Variants in ULK4 observed in about 807,000 individuals in gnomAD.
ULK4 encodes the protein inactive serine/threonine-protein kinase ULK4.
A neutral mutation model predicts 160.6 loss-of-function variants in ULK4; 133 were observed. The observed-to-expected ratio is 0.83, with a 90% CI of 0.72 to 0.96. The LOEUF is 0.96. ULK4 is among the 40% of genes least tolerant of loss of function. The pLI, the probability that ULK4 is intolerant of heterozygous loss-of-function variation, is 0.00. For synonymous variants in ULK4, 534 were observed against 539.8 expected, an observed-to-expected ratio of 0.99 and a Z score of 0.15; for missense variants, 1,580 against 1,499.5, an observed-to-expected ratio of 1.05 and a Z score of -0.89.
Position 41,691,042 on chromosome 3 carries a change from C to A in ULK4, c.2782-9238G>T, listed in dbSNP as rs180752996. On this transcript the variant is annotated intron_variant, in intron 27 of 36. Transcript: ENST00000301831. ...AAGGCAGTCTCCCTAGATAGAAACA[C>A]CTGAAACTGGTGATCAGAAGCTTCC... is the stretch of plus-strand genomic sequence containing the variant. Among the ~76,000 whole-genome samples the A allele has an allele frequency of 1.8e-4, 28 of 151,848 alleles. No homozygotes were observed. The East Asian group carries it at 4.6e-3, about 25-fold the overall frequency.
intron 30 of ULK4, among the ~76,000 whole-genome samples, chr3:41,633,544 T>C (rs1050462013): frequency 1.3e-5 from 2 of 152,140 alleles, no homozygotes; most frequent in Middle Eastern, 3.2e-3. Context: ...CTGGGTGCCA[T>C]TAAGGGTAAG....
intron 18 of ULK4, among the ~76,000 whole-genome samples, chr3:41,831,531 A>ATATATATATATATTTTTTTTT: frequency 1.1e-4 from 15 of 138,116 alleles, no homozygotes; most frequent in East Asian, 6.3e-4. Context: ...ATATATATAT[A>ATATATATATATATTTTTTTTT]TTTTTTTTTC....
rs547675140 is a variant in ULK4, at chr3:41,619,219, G to A, written c.3072-3502C>T. Among the ~76,000 whole-genome samples the A allele has an allele frequency of 2.0e-5, 3 of 151,788 alleles. No individual in the cohort carries two copies. The East Asian group carries it at 5.8e-4, about 29-fold the overall frequency. The stretch of plus-strand genomic sequence containing the variant: ...CCCACTGTCAATATTAGACCAACGA[G>A]ACAAAAAATTAACAAGGATATTCAG... On this transcript the variant is annotated intron_variant, in intron 30 of 36. Coordinates refer to ENST00000301831, the MANE Select transcript of ULK4 (RefSeq NM_017886.4).
chr3:41,552,888 T>C (rs772320231), intron 32 of ULK4, among the ~76,000 whole-genome samples: 23 of 152,008 alleles, frequency 1.5e-4, no homozygotes, highest in Non-Finnish European at 2.9e-4. Flanking sequence ...CAACATGGTA[T>C]TGGTATAAAA....
At chr3:41,919,020 T>C (rs1460044848) in intron 6 of ULK4, among the ~76,000 whole-genome samples, 1 of 152,178 alleles carries the variant, frequency 6.6e-6, no homozygotes, top group Non-Finnish European at 1.5e-5. Context: ...GCCTATATAT[T>C]TCTCTTACTT....
At chr3:41,421,178 G>T (rs1031640061) in intron 34 of ULK4, among the ~76,000 whole-genome samples, 2 of 151,730 alleles carry the variant, frequency 1.3e-5, no homozygotes, top group Non-Finnish European at 2.9e-5. Context: ...TATAATACCT[G>T]CCTACTAAAA....
intron 34 of ULK4, among the ~76,000 whole-genome samples, chr3:41,425,169 AAAT>A (rs2125840749): frequency 6.6e-6 from 1 of 152,296 alleles, no homozygotes; most frequent in East Asian, 1.9e-4. Context: ...ATCAATAACC[AAAT>A]AGACCAAGCA....
intron 35 of ULK4, among the ~76,000 whole-genome samples, chr3:41,281,192 G>C (rs1002009082): frequency 6.6e-6 from 1 of 152,294 alleles, no homozygotes; most frequent in South Asian, 2.1e-4. Flanking sequence ...TCCAGGACCA[G>C]ACGGATTCAT....
intron 4 of ULK4, among the ~76,000 whole-genome samples, chr3:41,933,725 G>T (rs1283720738): frequency 6.6e-6 from 1 of 151,072 alleles, no homozygotes. Flanking sequence ...TCTGAAAACT[G>T]CCACACACAA....
chr3:41,803,289 A>C (rs750335912), intron 19 of ULK4, among the ~76,000 whole-genome samples: 5 of 152,156 alleles, frequency 3.3e-5, no homozygotes, highest in Non-Finnish European at 5.9e-5. Context: ...AACAAAGGTA[A>C]AAGACACATT....
chr3:41,820,018 G>A (rs2041091264), intron 18 of ULK4, among the ~76,000 whole-genome samples: 2 of 152,110 alleles, frequency 1.3e-5, no homozygotes, highest in African/African-American at 2.4e-5. Flanking sequence ...TTAATGACAT[G>A]AGCAATAATT....
chr3:41,326,451 CATATAT>C (rs10660377), intron 35 of ULK4, among the ~76,000 whole-genome samples: 11 of 146,684 alleles, frequency 7.5e-5, no homozygotes, highest in Admixed American at 1.4e-4. Flanking sequence ...TGCATATATA[CATATAT>C]ATATATATAT....
chr3:41,786,691 G>T (rs1487709939), intron 21 of ULK4, among the ~76,000 whole-genome samples: 1 of 150,406 alleles, frequency 6.6e-6, no homozygotes, highest in African/African-American at 2.5e-5. Context: ...ACTCTAAATA[G>T]AAATTCATTG....
At chr3:41,448,407 T>C (rs1000727013) in intron 34 of ULK4, among the ~76,000 whole-genome samples, 2 of 151,802 alleles carry the variant, frequency 1.3e-5, no homozygotes, top group African/African-American at 2.4e-5. Flanking sequence ...CTGAAAAGAG[T>C]TGGTGCACAG....
chr3:41,945,521 C>T (rs1700086693), intron 2 of ULK4, among the ~76,000 whole-genome samples: 1 of 152,168 alleles, frequency 6.6e-6, no homozygotes, highest in Non-Finnish European at 1.5e-5. Context: ...TTGCTGGGTC[C>T]TCCTTCTCCT....
rs926163153 is a variant in ULK4 at position 41,458,462 on chromosome 3, C to A, written c.3394-2867G>T. 2.6e-5 allele frequency among the ~76,000 whole-genome samples: 4 copies of A among 152,086 alleles called. No individual in the cohort carries two copies. The South Asian group carries it at 8.3e-4, about 32-fold the overall frequency. On this transcript the variant is annotated intron_variant, in intron 33 of 36. Coordinates refer to ENST00000301831, the MANE Select transcript of ULK4 (RefSeq NM_017886.4). ...GATATAAGACAGGAACTGAGCTGGG[C>A]ATGGTAGCTCATGCTTGTAATTCCA...
At chr3:41,602,421 G>A (rs1264267045) in intron 31 of ULK4, among the ~76,000 whole-genome samples, 9 of 151,178 alleles carry the variant, frequency 6.0e-5, no homozygotes, top group African/African-American at 2.2e-4. Flanking sequence ...GGAAAGGAAG[G>A]AGAAAGAAAA....
chr3:41,546,264 G>A (rs1216468771), intron 32 of ULK4, among the ~76,000 whole-genome samples: 1 of 151,934 alleles, frequency 6.6e-6, no homozygotes, highest in Non-Finnish European at 1.5e-5. Context: ...AATTCTTGGT[G>A]GCTCTTTTGA....
chr3:41,706,842 A>ATATAT (rs1356215507), intron 25 of ULK4, among the ~76,000 whole-genome samples: 1 of 133,876 alleles, frequency 7.5e-6, no homozygotes, highest in African/African-American at 3.4e-5. Context: ...AAAAAAAAAA[A>ATATAT]AAAAATATGT....
Sources: allele counts gnomAD v4.1 joint callset (sites outside exome capture counted in the v4.1 genomes callset), GRCh38; gene constraint gnomAD v4.1.1; transcripts MANE v1.5; gene names NCBI Gene and HGNC (gene_info 2026-07-23, HGNC 2026-07-21).